RUNDC3B: variants seen among roughly 807,000 people sequenced by gnomAD.
The protein encoded by RUNDC3B is RUN domain-containing protein 3B.
In RUNDC3B, 33 loss-of-function variants were observed where a neutral mutation model predicts 58.4. The ratio of observed to expected loss-of-function variants is 0.56; its 90% confidence interval spans 0.43 to 0.75. RUNDC3B has a LOEUF of 0.75. Among genes scored for constraint, RUNDC3B ranks in the 30% least tolerant of loss-of-function variants. The pLI, the probability that RUNDC3B is intolerant of heterozygous loss-of-function variation, is 0.00. For missense variants in RUNDC3B, 501 were observed against 535.7 expected (o/e 0.94, Z 0.64); for synonymous variants, 193 against 195.2 (o/e 0.99, Z 0.10).
intron 5 of RUNDC3B, among the ~76,000 whole-genome samples, chr7:87,740,867 A>G (rs17251003): frequency 0.11 from 16,061 of 152,098 alleles, 1,115 homozygotes; most frequent in Admixed American, 0.21. Flanking sequence ...GCTCTGTCTA[A>G]ATTTGTTACA....
chr7:87,652,111 T>C (rs1823636551), intron 2 of RUNDC3B, among the ~76,000 whole-genome samples: 2 of 152,108 alleles, frequency 1.3e-5, no homozygotes, highest in South Asian at 4.1e-4. Flanking sequence ...ATTTTATGCA[T>C]AAATTTATAA....
chr7:87,710,244 A>T (rs1389954341), intron 3 of RUNDC3B, among the ~76,000 whole-genome samples: 1 of 152,160 alleles, frequency 6.6e-6, no homozygotes, highest in Non-Finnish European at 1.5e-5. Context: ...GATTTGCGGT[A>T]TTGAAGTAGA....
At chr7:87,815,529 T>C (rs773271869) in intron 9 of RUNDC3B, among the ~76,000 whole-genome samples, 3 of 152,086 alleles carry the variant, frequency 2.0e-5, no homozygotes, top group Non-Finnish European at 2.9e-5. Flanking sequence ...CTAATATAAT[T>C]AACTTTTTAT....
intron 3 of RUNDC3B, among the ~76,000 whole-genome samples, chr7:87,703,302 T>C (rs1456349708): frequency 6.6e-6 from 1 of 152,158 alleles, no homozygotes; most frequent in Non-Finnish European, 1.5e-5. Context: ...GATGAAGATA[T>C]GTTCAAATTA....
At chr7:87,708,343 A>G (rs146894307) in intron 3 of RUNDC3B, among the ~76,000 whole-genome samples, 1 of 152,258 alleles carries the variant, frequency 6.6e-6, no homozygotes, top group East Asian at 1.9e-4. Flanking sequence ...AAAAATCCTA[A>G]AAGAGGATAT....
intron 2 of RUNDC3B, among the ~76,000 whole-genome samples, chr7:87,666,870 A>G (rs1825306011): frequency 1.3e-5 from 2 of 152,086 alleles, no homozygotes; most frequent in African/African-American, 2.4e-5. Flanking sequence ...TACCAGTACC[A>G]TGCTGTTTTG....
chr7:87,827,286 G>A (rs940629303), intron 10 of RUNDC3B, among the ~76,000 whole-genome samples: 2 of 152,076 alleles, frequency 1.3e-5, no homozygotes, highest in East Asian at 1.9e-4. Context: ...TCAGGAGTTC[G>A]AGACCAGCCT....
intron 4 of RUNDC3B, among the ~76,000 whole-genome samples, chr7:87,717,254 T>C (rs1014313807): frequency 7.2e-5 from 11 of 152,256 alleles, no homozygotes; most frequent in African/African-American, 2.6e-4. Flanking sequence ...AAAAGTTTTA[T>C]AGCCCTAAAC....
At chr7:87,704,949 A>G (rs1829456022) in intron 3 of RUNDC3B, among the ~76,000 whole-genome samples, 1 of 152,238 alleles carries the variant, frequency 6.6e-6, no homozygotes, top group Non-Finnish European at 1.5e-5. Flanking sequence ...GCATAGTGTC[A>G]TTTTGCCTTG....
chr7:87,655,067 C>T (rs549160514), intron 2 of RUNDC3B, among the ~76,000 whole-genome samples: 2 of 151,920 alleles, frequency 1.3e-5, no homozygotes, highest in Non-Finnish European at 2.9e-5. Context: ...AAAAGGGAAC[C>T]CTTGTAGTAG....
intron 3 of RUNDC3B, among the ~76,000 whole-genome samples, chr7:87,703,857 C>A (rs932879108): frequency 1.3e-4 from 9 of 70,606 alleles, no homozygotes; most frequent in Non-Finnish European, 2.3e-4. Flanking sequence ...TTCCCCTTTG[C>A]ATCTTAGGTG....
intron 2 of RUNDC3B, among the ~76,000 whole-genome samples, chr7:87,688,454 G>GT (rs551788475): frequency 1.2e-3 from 183 of 149,916 alleles, no homozygotes; most frequent in African/African-American, 3.4e-3. Context: ...TTTCATGTTT[G>GT]TTTTTTTTCA....
intron 2 of RUNDC3B, among the ~76,000 whole-genome samples, chr7:87,694,223 C>A (rs190797065): frequency 6.6e-6 from 1 of 151,840 alleles, no homozygotes; most frequent in Non-Finnish European, 1.5e-5. Flanking sequence ...ATAAATATTA[C>A]GTGTGAAGTA....
At chr7:87,663,898 T>C (rs1349940982) in intron 2 of RUNDC3B, among the ~76,000 whole-genome samples, 1 of 152,244 alleles carries the variant, frequency 6.6e-6, no homozygotes. Context: ...GAATGAGAGC[T>C]CTCTGGTGAC....
chr7:87,820,028 A>G (rs1257673348), intron 10 of RUNDC3B, among the ~76,000 whole-genome samples: 1 of 152,250 alleles, frequency 6.6e-6, no homozygotes, highest in Admixed American at 6.5e-5. Context: ...GGTAAGAAAT[A>G]ACTAAAATCA....
chr7:87,737,997 A>G (rs1338237946), intron 4 of RUNDC3B, among the ~76,000 whole-genome samples: 1 of 152,124 alleles, frequency 6.6e-6, no homozygotes, highest in East Asian at 1.9e-4. Context: ...CAAAGGTGCC[A>G]TTAGAAAGCA....
At chr7:87,675,653 C>CAAAAAAAA (rs200136132) in intron 2 of RUNDC3B, among the ~76,000 whole-genome samples, 2 of 65,838 alleles carry the variant, frequency 3.0e-5, no homozygotes, top group South Asian at 5.3e-4. Context: ...TATTCACATG[C>CAAAAAAAA]AAAAAAAAAA....
At chr7:87,774,854 C>T (rs575853205) in intron 7 of RUNDC3B, among the ~76,000 whole-genome samples, 2 of 152,042 alleles carry the variant, frequency 1.3e-5, no homozygotes, top group South Asian at 2.1e-4. Flanking sequence ...GTGATGTAGC[C>T]GTGATGATGT....
chr7:87,809,857 A>G (rs774887272), intron 9 of RUNDC3B, among the ~76,000 whole-genome samples: 5 of 152,166 alleles, frequency 3.3e-5, no homozygotes, highest in Non-Finnish European at 7.4e-5. Flanking sequence ...TCAAACTTTT[A>G]ATATAAGCCA....
Sources: allele counts gnomAD v4.1 joint callset (sites outside exome capture counted in the v4.1 genomes callset), GRCh38; gene constraint gnomAD v4.1.1; transcripts MANE v1.5; gene names NCBI Gene and HGNC (gene_info 2026-07-23, HGNC 2026-07-21).